RAB30: variants seen among roughly 807,000 people sequenced by gnomAD.
The protein encoded by RAB30 is ras-related protein Rab-30.
In RAB30, 9 loss-of-function variants were observed where a neutral mutation model predicts 25.1. The observed-to-expected ratio is 0.36, with a 90% CI of 0.22 to 0.63. RAB30 has a LOEUF of 0.63. Ranked by LOEUF, RAB30 falls within the 20% of genes least tolerant of loss-of-function variation. The probability of loss-of-function intolerance (pLI) is 0.69; values close to 1 mark genes in which losing one functional copy is unlikely to be tolerated. For synonymous variants in RAB30, 77 were observed against 86.4 expected, an observed-to-expected ratio of 0.89 and a Z score of 0.60; for missense variants, 140 against 243.5, an observed-to-expected ratio of 0.58 and a Z score of 2.83.
rs914294088 is a variant in RAB30, at chr11:82,975,794, T to C, written c.*6371A>G. ...AGAGTAATAAATACCTATCCTGACA[T>C]TCACTAAGTAAATAATGACTATCAT... On this transcript the variant is annotated 3_prime_UTR_variant, in exon 5 of 5. Transcript: ENST00000527633. The C allele has an allele frequency of 6.6e-6, 1 of 152,178 alleles. No homozygotes were observed. The highest frequency in any genetic ancestry group is 2.4e-5 in the African/African-American group (1 of 41,458). The allele number at this position is 152,178 out of a possible 1,614,324, so 9.4% of individuals were successfully genotyped here.
chr11:83,007,143 C>A (rs1335536931), intron 1 of RAB30, among the ~76,000 whole-genome samples: 1 of 152,136 alleles, frequency 6.6e-6, no homozygotes, highest in Non-Finnish European at 1.5e-5. Flanking sequence ...AGCAACAGAG[C>A]CAGAAGAGCA....
At chr11:82,997,445 C>T in intron 1 of RAB30, 121 bp from the exon 2 acceptor site, 1 of 698,508 alleles carries the variant, frequency 1.4e-6, no homozygotes, top group South Asian at 1.8e-5. Context: ...CAATTTAAAG[C>T]TCCCCTCCGG....
chr11:82,992,487 G>C (rs1856872234), intron 3 of RAB30: 1 of 431,166 alleles, frequency 2.3e-6, no homozygotes, highest in Non-Finnish European at 4.7e-6. Context: ...CAAGTATCTA[G>C]AAAATGCTGA....
In RAB30 at chr11:82,981,154, G is replaced by A. The variant is rs1856631146; in HGVS notation, c.*1011C>T. 1 of 152,218 alleles carries A rather than the reference G, an allele frequency of 6.6e-6. No homozygotes were observed. Among genetic ancestry groups the A allele is most frequent in the South Asian group, 2.1e-4 (1 of 4,838 alleles). 9.4% of individuals were successfully genotyped at this position (152,218 alleles called of 1,614,324 possible). On this transcript the variant is annotated 3_prime_UTR_variant, in exon 5 of 5. Transcript: ENST00000527633. ...GATGTGACCTACTATCAAGGACTGT[G>A]CTCTGCTAGGAGCCCTGCACTACAG...
At chr11:82,982,717 C>G (rs1856664776) in intron 4 of RAB30, among the ~76,000 whole-genome samples, 2 of 152,034 alleles carry the variant, frequency 1.3e-5, no homozygotes, top group African/African-American at 4.8e-5. Flanking sequence ...CAAAAATTAG[C>G]CAGGTGTGGT....
At chr11:83,017,367 T>C (rs916411199) in intron 1 of RAB30, among the ~76,000 whole-genome samples, 1 of 151,764 alleles carries the variant, frequency 6.6e-6, no homozygotes, top group Non-Finnish European at 1.5e-5. Context: ...AGCAAAGAGA[T>C]TTTTATTTCT....
intron 3 of RAB30, among the ~76,000 whole-genome samples, chr11:82,988,627 A>G (rs1856787075): frequency 6.6e-6 from 1 of 152,228 alleles, no homozygotes; most frequent in Admixed American, 6.5e-5. Context: ...CTAATAACTA[A>G]TAATTCTAAT....
At chr11:83,064,974 G>A (rs1422002822) in intron 1 of RAB30, among the ~76,000 whole-genome samples, 1 of 151,594 alleles carries the variant, frequency 6.6e-6, no homozygotes, top group African/African-American at 2.4e-5. Context: ...ATAGATTGTC[G>A]TCCCTCATAC....
intron 3 of RAB30, among the ~76,000 whole-genome samples, chr11:82,988,217 G>T (rs1027347966): frequency 5.3e-5 from 8 of 152,116 alleles, no homozygotes; most frequent in Admixed American, 2.0e-4. Context: ...TAATTAACTT[G>T]TTCAGCATCT....
chr11:83,028,280 T>TAAAGAATA (rs1441501698), intron 1 of RAB30, among the ~76,000 whole-genome samples: 3 of 152,016 alleles, frequency 2.0e-5, no homozygotes, highest in African/African-American at 4.8e-5. Context: ...CGAAATCTTC[T>TAAAGAATA]AAAGAATAAA....
chr11:83,009,550 T>C lies in RAB30; in HGVS notation c.-8-12226A>G, dbSNP rs1048151792. ...CCTGAGGGAAATCCTAAAGAAAATA[T>C]AAATTCTGGGATTTTAATCCCAGGA... On this transcript the variant is annotated intron_variant, in intron 1 of 4. Coordinates refer to ENST00000527633, the MANE Select transcript of RAB30 (RefSeq NM_001286060.2). Among the ~76,000 whole-genome samples, 4 of 152,050 alleles carry C rather than the reference T, an allele frequency of 2.6e-5. No individual in the cohort carries two copies. In the East Asian group the frequency reaches 7.7e-4, roughly 29 times the overall value.
At chr11:83,002,741 CATG>C (rs1857111895) in intron 1 of RAB30, among the ~76,000 whole-genome samples, 1 of 152,078 alleles carries the variant, frequency 6.6e-6, no homozygotes, top group Admixed American at 6.6e-5. Flanking sequence ...TGCAGTGACT[CATG>C]ATCACACTGC....
chr11:83,033,156 C>T (rs112272441), intron 1 of RAB30, among the ~76,000 whole-genome samples: 2,514 of 144,678 alleles, frequency 0.017, 57 homozygotes, highest in East Asian at 0.078. Flanking sequence ...CCTCTGCTTT[C>T]CGGGTTCAAG....
At chr11:82,991,506 CAAAAA>C (rs35298951) in intron 3 of RAB30, among the ~76,000 whole-genome samples, 1 of 65,870 alleles carries the variant, frequency 1.5e-5, no homozygotes, top group African/African-American at 6.3e-5. Context: ...GACCCTTTCT[CAAAAA>C]AAAAAAAAAA....
intron 1 of RAB30, among the ~76,000 whole-genome samples, chr11:83,029,866 AG>A (rs1354325848): frequency 6.6e-6 from 1 of 152,232 alleles, no homozygotes; most frequent in Non-Finnish European, 1.5e-5. Context: ...AGCCATAAAA[AG>A]GAATAGAATA....
intron 1 of RAB30, among the ~76,000 whole-genome samples, chr11:83,052,596 T>C (rs1030752913): frequency 6.6e-6 from 1 of 152,174 alleles, no homozygotes; most frequent in Admixed American, 6.6e-5. Flanking sequence ...TGGGAAAACA[T>C]TCCCTGACAA....
intron 1 of RAB30, among the ~76,000 whole-genome samples, chr11:83,028,383 T>C (rs1857774645): frequency 6.6e-6 from 1 of 151,964 alleles, no homozygotes; most frequent in African/African-American, 2.4e-5. Context: ...ATAAGAGAAA[T>C]TCCCAGGAAA....
chr11:82,993,046 G>C (rs1014181970), intron 3 of RAB30, among the ~76,000 whole-genome samples: 4 of 152,214 alleles, frequency 2.6e-5, no homozygotes, highest in African/African-American at 7.2e-5. Context: ...CAGCTCTGAA[G>C]AGCCAACTGT....
chr11:83,002,762 C>T (rs1857112551), intron 1 of RAB30, among the ~76,000 whole-genome samples: 1 of 152,094 alleles, frequency 6.6e-6, no homozygotes, highest in African/African-American at 2.4e-5. Flanking sequence ...TGCTGCATTC[C>T]ACCCTGAGCA....
Sources: gnomAD v4.1 joint callset for allele counts (sites outside exome capture counted in the v4.1 genomes callset) on GRCh38, gnomAD v4.1.1 for gene constraint, MANE v1.5 for transcripts, NCBI Gene and HGNC (gene_info 2026-07-23, HGNC 2026-07-21) for gene names.